Variants in GPC6 observed in about 807,000 individuals in gnomAD.
GPC6 encodes the protein glypican 6, also known as glypican-6.
GPC6 carries 14 observed loss-of-function variants against 55.2 expected under a neutral mutation model. That is an observed-to-expected ratio of 0.25 (90% confidence interval 0.17 to 0.40). The LOEUF (loss-of-function observed/expected upper bound fraction) is 0.40, where lower values mean the gene tolerates loss of function less well. Ranked by LOEUF, GPC6 falls within the 10% of genes least tolerant of loss-of-function variation. The pLI is 1.00. For synonymous variants in GPC6, 278 were observed against 259.6 expected, an observed-to-expected ratio of 1.07 and a Z score of -0.68; for missense variants, 641 against 708.5, an observed-to-expected ratio of 0.90 and a Z score of 1.08.
chr13:94,075,734 G>A (rs187100473), intron 4 of GPC6, among the ~76,000 whole-genome samples: 1 of 152,116 alleles, frequency 6.6e-6, no homozygotes, highest in African/African-American at 2.4e-5. Context: ...TCTATGCCTG[G>A]CTTATTTCAC....
chr13:94,215,869 G>A (rs188852606), intron 4 of GPC6, among the ~76,000 whole-genome samples: 1 of 152,026 alleles, frequency 6.6e-6, no homozygotes, highest in Non-Finnish European at 1.5e-5. Context: ...AAGAAAAGGG[G>A]TACATTTAAC....
At chr13:93,553,869 G>T (rs1282831141) in intron 2 of GPC6, among the ~76,000 whole-genome samples, 2 of 133,054 alleles carry the variant, frequency 1.5e-5, no homozygotes, top group Admixed American at 7.9e-5. Flanking sequence ...GGCCAGCACA[G>T]TGCCTCGTGC....
At chr13:93,889,777 C>T (rs957617891) in intron 3 of GPC6, among the ~76,000 whole-genome samples, 1 of 152,088 alleles carries the variant, frequency 6.6e-6, no homozygotes, top group Non-Finnish European at 1.5e-5. Context: ...GTCTGCTTTT[C>T]TGTCTCTACT....
intron 1 of GPC6, among the ~76,000 whole-genome samples, chr13:93,459,731 G>A (rs1033662793): frequency 6.6e-6 from 1 of 152,110 alleles, no homozygotes; most frequent in Non-Finnish European, 1.5e-5. Flanking sequence ...TTTTCATTTA[G>A]AACCTGTTTC....
intron 2 of GPC6, among the ~76,000 whole-genome samples, chr13:93,700,155 A>C: frequency 6.6e-6 from 1 of 152,252 alleles, no homozygotes; most frequent in African/African-American, 2.4e-5. Flanking sequence ...CTGTCCAGCA[A>C]GACATGCCTT....
chr13:93,577,424 A>G (rs1876717803), intron 2 of GPC6, among the ~76,000 whole-genome samples: 1 of 152,136 alleles, frequency 6.6e-6, no homozygotes, highest in African/African-American at 2.4e-5. Flanking sequence ...TGTGAAGGCC[A>G]TGGCTTAAGT....
chr13:93,624,114 CTTT>C (rs34693901), intron 2 of GPC6, among the ~76,000 whole-genome samples: 1 of 141,900 alleles, frequency 7.0e-6, no homozygotes, highest in Non-Finnish European at 1.5e-5. Flanking sequence ...CAAATTTCAA[CTTT>C]TTTTTTTTTT....
chr13:93,624,583 C>G (rs536757557), intron 2 of GPC6, among the ~76,000 whole-genome samples: 1 of 152,214 alleles, frequency 6.6e-6, no homozygotes, highest in South Asian at 2.1e-4. Context: ...TTTTAGAAAA[C>G]GAAACAAAAT....
intron 1 of GPC6, among the ~76,000 whole-genome samples, chr13:93,476,284 G>A (rs530856304): frequency 8.3e-4 from 126 of 152,156 alleles, no homozygotes; most frequent in Non-Finnish European, 1.6e-4. Context: ...GTGTGTGCGT[G>A]TCTGTGTGTG....
intron 3 of GPC6, among the ~76,000 whole-genome samples, chr13:93,868,135 A>G (rs1162223682): frequency 6.6e-6 from 1 of 151,740 alleles, no homozygotes; most frequent in Non-Finnish European, 1.5e-5. Flanking sequence ...AGTTTGATGC[A>G]TAATATTTTT....
At chr13:94,259,251 G>T (rs1268760152) in intron 4 of GPC6, among the ~76,000 whole-genome samples, 1 of 152,184 alleles carries the variant, frequency 6.6e-6, no homozygotes, top group Non-Finnish European at 1.5e-5. Flanking sequence ...CTACAAGCCT[G>T]CCCCTAAACC....
chr13:94,017,268 T>C (rs768360245), intron 3 of GPC6, among the ~76,000 whole-genome samples: 1 of 152,330 alleles, frequency 6.6e-6, no homozygotes, highest in Non-Finnish European at 1.5e-5. Context: ...TATGGATTCT[T>C]TGGGATTTCC....
chr13:94,251,736 C>A (rs917714910), intron 4 of GPC6, among the ~76,000 whole-genome samples: 22 of 148,562 alleles, frequency 1.5e-4, no homozygotes, highest in Non-Finnish European at 2.5e-4. Flanking sequence ...AAAAACAAAA[C>A]AAACTGTTGC....
In GPC6 at chr13:93,227,534, G is replaced by A. The variant is rs146638721; in HGVS notation, c.78G>A (p.Lys26=). Residue 26 remains lysine (K), a synonymous_variant, in exon 1 of 9, where the codon AAG becomes AAA. Transcript: ENST00000377047. The surrounding 1 kb of genome is among the most constrained non-coding windows in gnomAD (Gnocchi z 4.3). The part of the protein sequence containing the change: ...LLSLPAGADV[K]ARSCGEVRQA... ...CCCTCCCCGCCGGGGCGGATGTGAA[G>A]GCTCGGAGCTGCGGAGAGGTCCGCC... 5.6e-5 allele frequency: 91 copies of A among 1,613,618 alleles called. No individual in the cohort carries two copies. The highest frequency in any genetic ancestry group is 1.6e-4 in the Middle Eastern group (1 of 6,078).
chr13:93,323,413 AT>A (rs1162697639), intron 1 of GPC6, among the ~76,000 whole-genome samples: 1 of 152,020 alleles, frequency 6.6e-6, no homozygotes, highest in African/African-American at 2.4e-5. Flanking sequence ...CTCTCCTACC[AT>A]TTTTCTTTTC....
At chr13:93,511,009 A>ATGTGTATATATATG (rs1880948711) in intron 1 of GPC6, among the ~76,000 whole-genome samples, 1 of 65,902 alleles carries the variant, frequency 1.5e-5, no homozygotes, top group South Asian at 6.6e-4. Context: ...ATATATATTC[A>ATGTGTATATATATG]TGTCCTTTGG....
chr13:93,492,506 C>G lies in GPC6; in HGVS notation c.161-52757C>G, dbSNP rs1594210115. Among the ~76,000 whole-genome samples the G allele has an allele frequency of 2.0e-5, 3 of 150,534 alleles. No homozygotes were observed. In the East Asian group the frequency reaches 5.8e-4, roughly 29 times the overall value. On this transcript the variant is annotated intron_variant, in intron 1 of 8. Coordinates refer to ENST00000377047, the MANE Select transcript of GPC6 (RefSeq NM_005708.5). ...ACTTCCTCTTTTCCCTATTGAATAC[C>G]CTTTATTTCCTTCTCCTGCCTGATT...
intron 1 of GPC6, among the ~76,000 whole-genome samples, chr13:93,542,103 C>G (rs1882333535): frequency 6.6e-6 from 1 of 152,146 alleles, no homozygotes; most frequent in Admixed American, 6.5e-5. Context: ...TTGCCCATGC[C>G]TATGTCCTGA....
intron 3 of GPC6, among the ~76,000 whole-genome samples, chr13:93,988,473 A>G (rs1026303581): frequency 2.0e-5 from 3 of 152,238 alleles, no homozygotes; most frequent in African/African-American, 7.2e-5. Flanking sequence ...AATGATTCTT[A>G]TAATCTATTT....
Sources: allele counts gnomAD v4.1 joint callset (sites outside exome capture counted in the v4.1 genomes callset), GRCh38; gene constraint gnomAD v4.1.1; non-coding constraint Gnocchi (gnomAD v3.1); transcripts MANE v1.5; gene names NCBI Gene and HGNC (gene_info 2026-07-23, HGNC 2026-07-21).